Variants in MCC observed in about 807,000 individuals in gnomAD.
MCC encodes the protein colorectal mutant cancer protein.
A neutral mutation model predicts 116.2 loss-of-function variants in MCC; 90 were observed. The observed-to-expected ratio is 0.77, with a 90% confidence interval of 0.65 to 0.92. The LOEUF (loss-of-function observed/expected upper bound fraction) is 0.92, where lower values mean the gene tolerates loss of function less well. Among genes scored for constraint, MCC ranks in the 40% least tolerant of loss-of-function variants. The probability of loss-of-function intolerance (pLI) is 0.00; values close to 1 mark genes in which losing one functional copy is unlikely to be tolerated. For missense variants in MCC, 1,516 were observed against 1,312.2 expected (o/e 1.16, Z -2.40); for synonymous variants, 578 against 510.5 (o/e 1.13, Z -1.78).
At chr5:113,329,517 C>T (rs1767648085) in intron 3 of MCC, among the ~76,000 whole-genome samples, 1 of 151,344 alleles carries the variant, frequency 6.6e-6, no homozygotes, top group African/African-American at 2.4e-5. Flanking sequence ...GTAGATCTCA[C>T]AAATGAAAAT....
intron 8 of MCC, among the ~76,000 whole-genome samples, chr5:113,100,464 C>CTTTTTTTTTTTTTTGT (rs1756328738): frequency 1.3e-5 from 1 of 78,810 alleles, no homozygotes. Flanking sequence ...GTATTTTTCC[C>CTTTTTTTTTTTTTTGT]TTTTTTTTTT....
At chr5:113,361,976 C>T (rs1376983778) in intron 2 of MCC, among the ~76,000 whole-genome samples, 2 of 152,198 alleles carry the variant, frequency 1.3e-5, no homozygotes, top group African/African-American at 4.8e-5. Context: ...CACCAGCAGT[C>T]TTCCTGGTTC....
intron 3 of MCC, among the ~76,000 whole-genome samples, chr5:113,220,545 G>A (rs1467257964): frequency 4.6e-5 from 7 of 152,038 alleles, no homozygotes; most frequent in African/African-American, 1.4e-4. Context: ...CACATCTGTT[G>A]TCAAATTTAT....
At chr5:113,471,295 T>C (rs1208103563) in intron 1 of MCC, among the ~76,000 whole-genome samples, 1 of 152,220 alleles carries the variant, frequency 6.6e-6, no homozygotes, top group East Asian at 1.9e-4. Flanking sequence ...TTTTTTCCCA[T>C]CTTTGTCATT....
chr5:113,149,557 C>G (rs1759728120), intron 4 of MCC, among the ~76,000 whole-genome samples: 1 of 152,014 alleles, frequency 6.6e-6, no homozygotes, highest in South Asian at 2.1e-4. Context: ...AGTGGATGAT[C>G]TTAAATACAG....
At chr5:113,450,303 C>A (rs1362253846) in intron 1 of MCC, among the ~76,000 whole-genome samples, 3 of 152,148 alleles carry the variant, frequency 2.0e-5, no homozygotes, top group South Asian at 2.1e-4. Context: ...ACCTGAGAAG[C>A]CTCAGAAAGA....
intron 5 of MCC, among the ~76,000 whole-genome samples, chr5:113,132,461 CACACACACACACACACAT>C (rs1758520052): frequency 3.7e-5 from 5 of 136,286 alleles, no homozygotes; most frequent in African/African-American, 1.5e-4. Flanking sequence ...CACACACACA[CACACACACACACACACAT>C]ACATATATAT....
intron 3 of MCC, among the ~76,000 whole-genome samples, chr5:113,288,974 G>C (rs1766374376): frequency 1.3e-5 from 2 of 152,120 alleles, no homozygotes; most frequent in South Asian, 2.1e-4. Context: ...ACCACAAAAT[G>C]AACAGCTATA....
At chr5:113,031,292 C>G (rs978397294) in intron 17 of MCC, among the ~76,000 whole-genome samples, 1 of 152,092 alleles carries the variant, frequency 6.6e-6, no homozygotes. Flanking sequence ...TTTCCTGGGC[C>G]CTAGCAGCCT....
At chr5:113,065,645 A>G (rs765420035) in intron 13 of MCC, among the ~76,000 whole-genome samples, 34 of 152,230 alleles carry the variant, frequency 2.2e-4, no homozygotes, top group Non-Finnish European at 4.4e-4. Context: ...GAAAACCACT[A>G]GCCTAAAGCA....
intron 3 of MCC, among the ~76,000 whole-genome samples, chr5:113,280,770 T>A (rs1766014423): frequency 1.3e-5 from 2 of 152,194 alleles, no homozygotes; most frequent in African/African-American, 4.8e-5. Flanking sequence ...ATTCTCCTTT[T>A]ACCTGTTGGA....
At chr5:113,196,940 CAATT>C (rs1762441540) in intron 3 of MCC, among the ~76,000 whole-genome samples, 1 of 152,140 alleles carries the variant, frequency 6.6e-6, no homozygotes, top group Non-Finnish European at 1.5e-5. Flanking sequence ...GTCTTTGGAA[CAATT>C]AATTAAGGGT....
At chr5:113,426,861 A>G (rs1014836634) in intron 1 of MCC, among the ~76,000 whole-genome samples, 14 of 152,182 alleles carry the variant, frequency 9.2e-5, no homozygotes. Context: ...TCACTCCTCT[A>G]TAATGCGATG....
At chr5:113,135,432 G>A (rs1758756236) in intron 5 of MCC, among the ~76,000 whole-genome samples, 1 of 144,562 alleles carries the variant, frequency 6.9e-6, no homozygotes, top group Non-Finnish European at 1.5e-5. Context: ...GGTGGTGGGA[G>A]CCTGTAGTCC....
Position 113,235,746 on chromosome 5 carries a change from T to C in MCC, c.628-84324A>G, listed in dbSNP as rs368396793. Among the ~76,000 whole-genome samples, 16 of 152,308 alleles carry C rather than the reference T, an allele frequency of 1.1e-4. No homozygotes were observed. The South Asian group carries it at 2.5e-3, about 24-fold the overall frequency. On this transcript the variant is annotated intron_variant, in intron 3 of 18. Coordinates refer to ENST00000408903, the MANE Select transcript of MCC (RefSeq NM_001085377.2). ...CACCATTTCTCCTGCAGAGAAACCA[T>C]TTCGGTTAAGAGATTTTCCCACTTT...
At chr5:113,029,996 G>A (rs1014631945) in intron 17 of MCC, among the ~76,000 whole-genome samples, 1 of 152,206 alleles carries the variant, frequency 6.6e-6, no homozygotes, top group Non-Finnish European at 1.5e-5. Flanking sequence ...ACAGCTTCTA[G>A]TGACTGTTAA....
intron 3 of MCC, among the ~76,000 whole-genome samples, chr5:113,231,604 C>G (rs562644573): frequency 6.6e-6 from 1 of 152,252 alleles, no homozygotes; most frequent in African/African-American, 2.4e-5. Context: ...CATTAATCCT[C>G]TTTCCCCCAT....
chr5:113,050,520 A>G (rs7731890), intron 15 of MCC, among the ~76,000 whole-genome samples: 79,367 of 152,074 alleles, frequency 0.52, 21,565 homozygotes, highest in African/African-American at 0.68. Context: ...CGAAAGGGAC[A>G]TTAGTCAATA....
intron 3 of MCC, among the ~76,000 whole-genome samples, chr5:113,269,624 C>T (rs1765540011): frequency 6.6e-6 from 1 of 152,194 alleles, no homozygotes; most frequent in Non-Finnish European, 1.5e-5. Flanking sequence ...TTGCTAAAAG[C>T]AGGACTCCTG....
Sources: gnomAD v4.1 joint callset for allele counts (sites outside exome capture counted in the v4.1 genomes callset) on GRCh38, gnomAD v4.1.1 for gene constraint, MANE v1.5 for transcripts, NCBI Gene and HGNC (gene_info 2026-07-23, HGNC 2026-07-21) for gene names.